L3MBTL4: variants seen among roughly 807,000 people sequenced by gnomAD.
L3MBTL4 encodes the protein lethal(3)malignant brain tumor-like protein 4.
In L3MBTL4, 70 loss-of-function variants were observed where a neutral mutation model predicts 84.5. The ratio of observed to expected loss-of-function variants is 0.83; its 90% CI spans 0.68 to 1.01. The LOEUF (loss-of-function observed/expected upper bound fraction) is 1.01, where lower values mean the gene tolerates loss of function less well. Among genes scored for constraint, L3MBTL4 ranks in the 50% least tolerant of loss-of-function variants. The pLI is 0.00. For missense variants in L3MBTL4, 715 were observed against 754.8 expected (o/e 0.95, Z 0.62); for synonymous variants, 274 against 259.8 (o/e 1.05, Z -0.52).
chr18:6,182,902 T>C (rs1410399675), intron 12 of L3MBTL4, among the ~76,000 whole-genome samples: 2 of 152,200 alleles, frequency 1.3e-5, no homozygotes, highest in Admixed American at 6.5e-5. Context: ...CTTATTTAAA[T>C]AGTCAGAAAC....
intron 4 of L3MBTL4, among the ~76,000 whole-genome samples, chr18:6,294,167 A>G (rs545959130): frequency 2.0e-5 from 3 of 151,788 alleles, no homozygotes; most frequent in African/African-American, 7.3e-5. Flanking sequence ...AATTCAGGAG[A>G]AAAAAAAATC....
At position 6,355,881 on chromosome 18, in the gene L3MBTL4, A is replaced by T. The variant is rs16949963; in HGVS notation, c.-90-43825T>A. On this transcript the variant is annotated intron_variant, in intron 1 of 18. Transcript: ENST00000317931. ...AAACAAAGCAGTGACCTCTGAAGCT[A>T]GTACCATGTGCACGATAAGTGATTC... Among the ~76,000 whole-genome samples, 1,252 of 151,312 alleles carry T rather than the reference A, an allele frequency of 8.3e-3. 17 individuals carry two copies. Among genetic ancestry groups the T allele is most frequent in the African/African-American group, 0.029 (1,212 of 41,340 alleles).
rs2095256170 is a variant in L3MBTL4 at position 5,960,074 on chromosome 18, A to ATATATATATG, written c.1677+19_1677+20insCATATATATA. ...TATATATATATACATATATATATAT[A>ATATATATATG]TAATTTTTGCATCTCTTACCTCTTT... On this transcript the variant is annotated intron_variant, in intron 18 of 18. Coordinates refer to ENST00000317931, the MANE Select transcript of L3MBTL4 (RefSeq NM_001330559.2). 1.0e-6 allele frequency: 1 copy of ATATATATATG among 989,012 alleles called. No homozygotes were observed. The highest frequency in any genetic ancestry group is 1.6e-5 in the African/African-American group (1 of 60,682). 61.3% of individuals were successfully genotyped at this position (989,012 alleles called of 1,614,324 possible). A position where few individuals can be genotyped will look rare whatever the true frequency, so the allele number is the denominator to read the frequency against.
At chr18:6,058,319 CCTT>C (rs1339772903) in intron 16 of L3MBTL4, among the ~76,000 whole-genome samples, 1 of 152,188 alleles carries the variant, frequency 6.6e-6, no homozygotes, top group African/African-American at 2.4e-5. Context: ...GTACCCTGAA[CCTT>C]CTACCTAACA....
chr18:6,244,725 G>C (rs1199101181), intron 5 of L3MBTL4, 137 bp from the exon 6 acceptor site: 1 of 643,078 alleles, frequency 1.6e-6, no homozygotes, highest in Admixed American at 2.8e-5. Context: ...GTCTACCAGA[G>C]GCTGGAAGTT....
intron 16 of L3MBTL4, among the ~76,000 whole-genome samples, chr18:5,994,495 C>G (rs944895847): frequency 6.6e-6 from 1 of 152,176 alleles, no homozygotes; most frequent in African/African-American, 2.4e-5. Flanking sequence ...ATTATCAGCC[C>G]CATTACGAGG....
intron 16 of L3MBTL4, among the ~76,000 whole-genome samples, chr18:5,972,893 AGAAT>A (rs1437800560): frequency 1.4e-3 from 5 of 3,582 alleles, no homozygotes; most frequent in Non-Finnish European, 2.3e-3. Context: ...AGAACAGAAG[AGAAT>A]AGAATAGAAT....
At chr18:6,167,073 C>T (rs1425327237) in intron 13 of L3MBTL4, among the ~76,000 whole-genome samples, 5 of 152,148 alleles carry the variant, frequency 3.3e-5, no homozygotes, top group African/African-American at 9.7e-5. Context: ...ACTAGAAAAT[C>T]TAGAAGAAAT....
intron 1 of L3MBTL4, among the ~76,000 whole-genome samples, chr18:6,392,099 TTATAC>T (rs761634302): frequency 1.3e-5 from 2 of 152,128 alleles, no homozygotes; most frequent in African/African-American, 2.4e-5. Flanking sequence ...AGACTTCAAA[TTATAC>T]TATAAGTCTA....
At chr18:6,035,288 C>T (rs935571365) in intron 16 of L3MBTL4, among the ~76,000 whole-genome samples, 6 of 152,138 alleles carry the variant, frequency 3.9e-5, no homozygotes, top group Admixed American at 6.6e-5. Context: ...TTAGGTCTAA[C>T]GTTTAAGTCT....
chr18:6,257,664 TA>T (rs1555705649), intron 5 of L3MBTL4, among the ~76,000 whole-genome samples: 1 of 147,566 alleles, frequency 6.8e-6, no homozygotes. Flanking sequence ...TTTTTTTTTT[TA>T]AATGGAGTTT....
At chr18:6,036,722 G>A (rs1026548238) in intron 16 of L3MBTL4, among the ~76,000 whole-genome samples, 3 of 152,108 alleles carry the variant, frequency 2.0e-5, no homozygotes, top group African/African-American at 4.8e-5. Context: ...CTAAAATGTG[G>A]TGACTCTGGA....
chr18:6,034,426 C>G (rs2056007291), intron 16 of L3MBTL4, among the ~76,000 whole-genome samples: 1 of 152,102 alleles, frequency 6.6e-6, no homozygotes, highest in Non-Finnish European at 1.5e-5. Context: ...TGATAGTTTA[C>G]TGAGAATGAT....
At chr18:6,162,240 A>T (rs892550944) in intron 13 of L3MBTL4, among the ~76,000 whole-genome samples, 3 of 152,182 alleles carry the variant, frequency 2.0e-5, no homozygotes, top group African/African-American at 7.2e-5. Flanking sequence ...TTCCACCTCT[A>T]TAAAATATAG....
intron 1 of L3MBTL4, among the ~76,000 whole-genome samples, chr18:6,338,354 C>T (rs2052445459): frequency 6.6e-6 from 1 of 151,936 alleles, no homozygotes; most frequent in Non-Finnish European, 1.5e-5. Context: ...TGTGGGTAAA[C>T]ATAAATCAAT....
chr18:6,227,857 T>C (rs2046840848), intron 10 of L3MBTL4, among the ~76,000 whole-genome samples: 1 of 152,032 alleles, frequency 6.6e-6, no homozygotes, highest in Non-Finnish European at 1.5e-5. Context: ...AATAGAGATA[T>C]AGTCTTGCCA....
At chr18:6,217,039 G>A (rs1257595004) in intron 10 of L3MBTL4, among the ~76,000 whole-genome samples, 4 of 152,112 alleles carry the variant, frequency 2.6e-5, no homozygotes, top group Admixed American at 2.6e-4. Flanking sequence ...TAAGCAGAAA[G>A]TCTGAAGCAA....
rs2044552320 is a variant in L3MBTL4 at position 6,183,059 on chromosome 18, A to G, written c.982-11117T>C. 2.0e-5 allele frequency among the ~76,000 whole-genome samples: 3 copies of G among 152,232 alleles called. 1 individual carries two copies. Among genetic ancestry groups the G allele is most frequent in the South Asian group, 4.1e-4 (2 of 4,832 alleles). ...CTATTTCTATGGTTACAGTTATAAG[A>G]AATAGAATTAGTTTTTCCCATAAGA... is the stretch of plus-strand genomic sequence containing the variant. On this transcript the variant is annotated intron_variant, in intron 12 of 18. Transcript: ENST00000317931.
intron 10 of L3MBTL4, among the ~76,000 whole-genome samples, chr18:6,228,874 A>G (rs1262428111): frequency 2.6e-5 from 4 of 152,178 alleles, no homozygotes; most frequent in Admixed American, 1.3e-4. Flanking sequence ...CAACAAAGCA[A>G]TATCTTCAAA....
Sources: allele counts gnomAD v4.1 joint callset (sites outside exome capture counted in the v4.1 genomes callset), GRCh38; gene constraint gnomAD v4.1.1; transcripts MANE v1.5; gene names NCBI Gene and HGNC (gene_info 2026-07-23, HGNC 2026-07-21).